The following COL3A1 variants were observed in gnomAD, a reference collection of about 807,000 sequenced individuals.
The protein encoded by COL3A1 is collagen type III alpha 1 chain.
COL3A1 carries 46 observed loss-of-function variants against 200.9 expected under a neutral mutation model. The observed-to-expected ratio is 0.23, with a 90% CI of 0.18 to 0.29. The LOEUF is 0.29. Ranked by LOEUF, COL3A1 falls within the 10% of genes least tolerant of loss-of-function variation. The probability of loss-of-function intolerance (pLI) is 1.00; values close to 1 mark genes in which losing one functional copy is unlikely to be tolerated. For synonymous variants in COL3A1, 650 were observed against 628.0 expected (o/e 1.03, Z -0.52); for missense variants, 1,367 against 1,917.6 (o/e 0.71, Z 5.36).
chr2:188,998,378 G>C, intron 28 of COL3A1, 59 bp downstream of exon 28: 1 of 1,417,484 alleles, frequency 7.1e-7, no homozygotes, highest in Non-Finnish European at 9.9e-7. Context: ...CTGTTTGTTT[G>C]TCAACTATTA....
rs1427248107 is a variant in COL3A1 at position 188,994,689 on chromosome 2, A to G, written c.1348-35A>G. ...AAAACTTTGAACTAAATTCAGTCAT[A>G]ATTTCTTTATTTTACCATCTTTTTT... is the stretch of plus-strand genomic sequence containing the variant. On this transcript the variant is annotated intron_variant, in intron 19 of 50. Coordinates refer to ENST00000304636, the MANE Select transcript of COL3A1 (RefSeq NM_000090.4). The surrounding 1 kb of genome is among the most constrained non-coding windows in gnomAD (Gnocchi z 4.5). 1 of 1,611,712 alleles carries G rather than the reference A, an allele frequency of 6.2e-7. No individual in the cohort carries two copies. Among genetic ancestry groups the G allele is most frequent in the Middle Eastern group, 1.7e-4 (1 of 6,056 alleles).
chr2:188,985,295 C>A, intron 3 of COL3A1, 48 bp downstream of exon 3: 1 of 1,468,594 alleles, frequency 6.8e-7, no homozygotes, highest in Non-Finnish European at 9.5e-7. Flanking sequence ...AATGATAATT[C>A]TAGTAAGAGT....
At chr2:188,990,416 C>A (rs1470167533) in intron 10 of COL3A1, 56 bp downstream of exon 10, 3 of 1,404,504 alleles carry the variant, frequency 2.1e-6, no homozygotes, top group Non-Finnish European at 3.0e-6. Context: ...TGTTTACTTG[C>A]CTAACCAATT....
In COL3A1 at chr2:189,006,262, A is replaced by C. The variant is rs771429937; in HGVS notation, c.3093+3A>C. ...GAGATGGATCTCCTGGTGGCAAGGT[A>C]TAATAAACACATGTGCAATTGATTT... is the stretch of plus-strand genomic sequence containing the variant. On this transcript the variant is annotated splice_donor_region_variant and intron_variant, in intron 42 of 50. Coordinates refer to ENST00000304636, the MANE Select transcript of COL3A1 (RefSeq NM_000090.4). 1 of 1,614,214 alleles carries C rather than the reference A, an allele frequency of 6.2e-7. No individual in the cohort carries two copies. The highest frequency in any genetic ancestry group is 2.2e-5 in the East Asian group (1 of 44,888).
chr2:189,003,616 C>T, intron 37 of COL3A1, 118 bp from the exon 38 acceptor site: 4 of 1,367,020 alleles, frequency 2.9e-6, no homozygotes, highest in Non-Finnish European at 3.1e-6. Flanking sequence ...CAAGGGGAAA[C>T]ACAAACCATA....
At chr2:188,976,675 C>A (rs1263554354) in intron 1 of COL3A1, among the ~76,000 whole-genome samples, 1 of 152,142 alleles carries the variant, frequency 6.6e-6, no homozygotes, top group Non-Finnish European at 1.5e-5. Flanking sequence ...TGAACACTCA[C>A]TTCTAGTTCA....
At chr2:189,001,303 TA>T in intron 32 of COL3A1, 93 bp from the exon 33 acceptor site, 1 of 1,202,884 alleles carries the variant, frequency 8.3e-7, no homozygotes. Context: ...TTATCTAGTT[TA>T]TTAGGTATCT....
intron 5 of COL3A1, 110 bp from the exon 6 acceptor site, chr2:188,987,966 AAGATG>A: frequency 1.2e-6 from 1 of 800,980 alleles, no homozygotes. Flanking sequence ...AAGTTATCAA[AAGATG>A]AGATATAGTT....
intron 15 of COL3A1, 67 bp downstream of exon 15, chr2:188,993,007 T>A: frequency 7.0e-7 from 1 of 1,437,342 alleles, no homozygotes; most frequent in Non-Finnish European, 9.8e-7. Flanking sequence ...ATTAGATTGC[T>A]TCTTGCAACT....
intron 48 of COL3A1, among the ~76,000 whole-genome samples, chr2:189,009,938 T>C (rs1400931968): frequency 1.3e-5 from 2 of 152,218 alleles, no homozygotes; most frequent in Non-Finnish European, 2.9e-5. Context: ...CAAAAGGTCT[T>C]AGCTTAGTGT....
Position 188,974,374 on chromosome 2 carries a change from G to T in COL3A1, c.-116G>T. ...AGGCCAAAGCAAAGGAATCTCAGTG[G>T]CTGAGTTTTATGACGGGCCCGGTGC... On this transcript the variant is annotated 5_prime_UTR_variant, in exon 1 of 51. Transcript: ENST00000304636. 1 of 740,322 alleles carries T rather than the reference G, an allele frequency of 1.4e-6. No individual in the cohort carries two copies. Among genetic ancestry groups the T allele is most frequent in the East Asian group, 2.7e-5 (1 of 37,374 alleles). 45.9% of individuals were successfully genotyped at this position (740,322 alleles called of 1,614,324 possible).
Position 188,994,428 on chromosome 2 carries a change from T to C in COL3A1, c.1293+96T>C. On this transcript the variant is annotated intron_variant, in intron 18 of 50. Transcript: ENST00000304636. The surrounding 1 kb of genome is among the most constrained non-coding windows in gnomAD (Gnocchi z 4.5). ...AAAATTTTGCTCCTGTTCAGTTGAATTTATATTGACTTCACTCTTGTCTTA... is the reference window on the plus strand; with the variant it reads ...AAAATTTTGCTCCTGTTCAGTTGAACTTATATTGACTTCACTCTTGTCTTA... 1.3e-6 allele frequency: 2 copies of C among 1,570,298 alleles called. No homozygotes were observed. Among genetic ancestry groups the C allele is most frequent in the African/African-American group, 1.3e-5 (1 of 74,136 alleles).
intron 1 of COL3A1, among the ~76,000 whole-genome samples, chr2:188,979,879 C>G (rs1559050981): frequency 6.6e-6 from 1 of 151,576 alleles, no homozygotes; most frequent in Admixed American, 6.6e-5. Context: ...GACTGTGTAA[C>G]CTTGGGAAAA....
rs953557225 is a variant in COL3A1, at chr2:188,974,438, T to G, written c.-52T>G. 2.1e-6 allele frequency: 3 copies of G among 1,441,782 alleles called. No homozygotes were observed. Among genetic ancestry groups the G allele is most frequent in the Non-Finnish European group, 2.9e-6 (3 of 1,026,012 alleles). The allele number at this position is 1,441,782 out of a possible 1,614,324, so 89.3% of individuals were successfully genotyped here. ...ACAACTTGATGGTGCTACTTTGAAC[T>G]GCTTTTCTTTTCTCCTTTTTGCACA... On this transcript the variant is annotated 5_prime_UTR_variant, in exon 1 of 51. Transcript: ENST00000304636.
intron 23 of COL3A1, 97 bp from the exon 24 acceptor site, chr2:188,996,301 T>TACAC (rs765594717): frequency 6.7e-5 from 52 of 779,794 alleles, no homozygotes; most frequent in South Asian, 1.1e-4. Context: ...TATATCTATA[T>TACAC]ATATACACAC....
Position 188,984,937 on chromosome 2 carries a change from C to T in COL3A1, c.257C>T (p.Ala86Val), listed in dbSNP as rs1427943769. 2 of 1,612,838 alleles carry T rather than the reference C, an allele frequency of 1.2e-6. No homozygotes were observed. The highest frequency in any genetic ancestry group is 1.7e-6 in the Non-Finnish European group (2 of 1,179,360). Reference protein sequence around the residue: ...NPEIPFGECCAVCPQPPTAPT... With the variant: ...NPEIPFGECCVVCPQPPTAPT... ...GAAATTCCATTTGGAGAATGTTGTG[C>T]AGTTTGCCCACAGCCTCCAACTGCT... Residue 86 changes from alanine to valine, a missense_variant, in exon 2 of 51, where the codon GCA (alanine) becomes GTA (valine). Around this residue, in one of 5 missense-constraint regions of COL3A1, gnomAD observed 462 missense variants for 681.4 expected, o/e 0.68. Transcript: ENST00000304636.
intron 27 of COL3A1, 64 bp downstream of exon 27, chr2:188,997,817 A>G (rs1191038084): frequency 6.4e-6 from 9 of 1,397,490 alleles, no homozygotes; most frequent in African/African-American, 2.8e-5. Flanking sequence ...TGTCCCTAAT[A>G]GATTATAATT....
Position 188,995,730 on chromosome 2 carries a change from G to T in COL3A1, c.1548G>T (p.Gly516=), listed in dbSNP as rs765885725. 3.2e-6 allele frequency: 5 copies of T among 1,565,158 alleles called. No homozygotes were observed. The highest frequency in any genetic ancestry group is 3.5e-6 in the Non-Finnish European group (4 of 1,154,294). Residue 516 remains glycine (G), a synonymous_variant, in exon 22 of 51, where the codon GGG becomes GGT. Transcript: ENST00000304636. Reference sequence around the variant, plus strand: ...AGCGTGGTGCTCCAGGCCCTGCAGGGCCCAGAGGAGCTGCTGGAGAACCTG... The same window carrying T: ...AGCGTGGTGCTCCAGGCCCTGCAGGTCCCAGAGGAGCTGCTGGAGAACCTG... ...AGERGAPGPA[G]PRGAAGEPGR...
At chr2:188,999,180 C>T (rs112643005) in intron 29 of COL3A1, 105 bp from the exon 30 acceptor site, 24 of 1,070,408 alleles carry the variant, frequency 2.2e-5, no homozygotes, top group African/African-American at 1.7e-4. Flanking sequence ...CTAGATTGTT[C>T]ACAATATAAT....
Sources: allele counts gnomAD v4.1 joint callset (sites outside exome capture counted in the v4.1 genomes callset), GRCh38; gene constraint gnomAD v4.1.1; regional missense constraint gnomAD v4.1.1; non-coding constraint Gnocchi (gnomAD v3.1); transcripts MANE v1.5; gene names NCBI Gene and HGNC (gene_info 2026-07-23, HGNC 2026-07-21).